Variants in GPR158 observed in about 807,000 individuals in gnomAD.
GPR158 encodes the protein G protein-coupled receptor 158, also known as metabotropic glycine receptor.
GPR158 carries 30 observed loss-of-function variants against 78.2 expected under a neutral mutation model. The observed-to-expected ratio is 0.38, with a 90% CI of 0.29 to 0.52. The LOEUF (loss-of-function observed/expected upper bound fraction) is 0.52, where lower values mean the gene tolerates loss of function less well. GPR158 is among the 20% of genes least tolerant of loss of function. The probability of loss-of-function intolerance (pLI) is 0.83; values close to 1 mark genes in which losing one functional copy is unlikely to be tolerated. For synonymous variants in GPR158, 581 were observed against 591.1 expected (o/e 0.98, Z 0.25); for missense variants, 1,463 against 1,523.5 (o/e 0.96, Z 0.66).
At chr10:25,329,028 T>C (rs17536221) in intron 2 of GPR158, among the ~76,000 whole-genome samples, 6,397 of 152,040 alleles carry the variant, frequency 0.042, 142 homozygotes, top group African/African-American at 0.05. Flanking sequence ...TTACTTTCCA[T>C]TTACTATTCC....
At chr10:25,407,123 A>G (rs1366766305) in intron 3 of GPR158, among the ~76,000 whole-genome samples, 1 of 152,160 alleles carries the variant, frequency 6.6e-6, no homozygotes, top group Non-Finnish European at 1.5e-5. Context: ...CCCAAATCAG[A>G]TATCTATGTC....
At chr10:25,230,944 C>T (rs189628535) in intron 2 of GPR158, among the ~76,000 whole-genome samples, 1 of 152,254 alleles carries the variant, frequency 6.6e-6, no homozygotes, top group East Asian at 1.9e-4. Context: ...TATGTTTGGA[C>T]TAGATACCTC....
chr10:25,416,153 A>G (rs781206615), intron 4 of GPR158, among the ~76,000 whole-genome samples: 2 of 152,114 alleles, frequency 1.3e-5, no homozygotes, highest in Non-Finnish European at 2.9e-5. Context: ...CTTTTGTAAC[A>G]TAATTTTGGA....
At chr10:25,260,656 C>T (rs992445257) in intron 2 of GPR158, among the ~76,000 whole-genome samples, 10 of 151,920 alleles carry the variant, frequency 6.6e-5, no homozygotes, top group Non-Finnish European at 1.0e-4. Flanking sequence ...CCTTTGAAAG[C>T]GCTGGGTTTA....
At chr10:25,203,304 T>A (rs996524956) in intron 1 of GPR158, among the ~76,000 whole-genome samples, 3 of 152,164 alleles carry the variant, frequency 2.0e-5, no homozygotes, top group Non-Finnish European at 4.4e-5. Context: ...TTGCTTTTGG[T>A]GTTTTAGTCG....
intron 4 of GPR158, among the ~76,000 whole-genome samples, chr10:25,425,458 G>A (rs901373401): frequency 1.1e-4 from 17 of 151,348 alleles, no homozygotes; most frequent in African/African-American, 1.9e-4. Context: ...TATGTTCATC[G>A]GCCATTTGTA....
chr10:25,469,680 A>G (rs1835469140), intron 5 of GPR158, among the ~76,000 whole-genome samples: 1 of 139,640 alleles, frequency 7.2e-6, no homozygotes. Flanking sequence ...GCTACTTGGG[A>G]GGCTGAGGTA....
At chr10:25,401,454 C>T (rs910813091) in intron 3 of GPR158, among the ~76,000 whole-genome samples, 7 of 151,940 alleles carry the variant, frequency 4.6e-5, no homozygotes, top group African/African-American at 7.3e-5. Flanking sequence ...ATGAAAAATG[C>T]GAATTGAACA....
rs372984523 is a variant in GPR158 at position 25,380,479 on chromosome 10, TTTC to T, written c.1009-15429_1009-15427del. On this transcript the variant is annotated intron_variant, in intron 2 of 10. Coordinates refer to ENST00000376351, the MANE Select transcript of GPR158 (RefSeq NM_020752.3). The stretch of plus-strand genomic sequence containing the variant: ...ATGTATATAATGCAGTTCATTCATT[TTTC>T]TTTTTTTAGTATTACAATTAGTAAT... 7.9e-5 allele frequency among the ~76,000 whole-genome samples: 12 copies of T among 152,340 alleles called. No homozygotes were observed. In the South Asian group the frequency reaches 2.3e-3, roughly 29 times the overall value.
chr10:25,250,156 A>T, intron 2 of GPR158, among the ~76,000 whole-genome samples: 1 of 123,868 alleles, frequency 8.1e-6, no homozygotes, highest in Non-Finnish European at 1.6e-5. Flanking sequence ...ATCGGTGGTG[A>T]TATCCCCTTT....
intron 7 of GPR158, among the ~76,000 whole-genome samples, chr10:25,576,472 TTTTCC>T (rs1316239160): frequency 6.6e-6 from 1 of 152,050 alleles, no homozygotes; most frequent in African/African-American, 2.4e-5. Context: ...GGCAGCACAT[TTTTCC>T]ACTTGCAGTA....
chr10:25,455,133 A>G (rs774477235), intron 4 of GPR158, among the ~76,000 whole-genome samples: 36 of 152,218 alleles, frequency 2.4e-4, no homozygotes, highest in Non-Finnish European at 4.0e-4. Context: ...TAAATAGAAA[A>G]GCAGGTTGGA....
At chr10:25,556,388 C>G (rs1836787037) in intron 6 of GPR158, among the ~76,000 whole-genome samples, 1 of 152,098 alleles carries the variant, frequency 6.6e-6, no homozygotes, top group Non-Finnish European at 1.5e-5. Context: ...AATAATACAC[C>G]AATAAAGCAT....
At chr10:25,503,459 C>T (rs1835968452) in intron 5 of GPR158, among the ~76,000 whole-genome samples, 1 of 152,134 alleles carries the variant, frequency 6.6e-6, no homozygotes, top group African/African-American at 2.4e-5. Context: ...TGCCTTGTAA[C>T]AGATTCTGCA....
At chr10:25,179,088 T>C (rs893796376) in intron 1 of GPR158, among the ~76,000 whole-genome samples, 5 of 152,222 alleles carry the variant, frequency 3.3e-5, no homozygotes, top group African/African-American at 4.8e-5. Context: ...ATTTCATATA[T>C]TGAGATAATA....
chr10:25,522,387 G>A (rs1564478911), intron 5 of GPR158, among the ~76,000 whole-genome samples: 1 of 152,132 alleles, frequency 6.6e-6, no homozygotes, highest in South Asian at 2.1e-4. Flanking sequence ...GGAAATTGTA[G>A]GCTTACTTTT....
intron 2 of GPR158, among the ~76,000 whole-genome samples, chr10:25,335,006 A>T (rs1318154188): frequency 2.6e-5 from 4 of 152,154 alleles, no homozygotes; most frequent in Non-Finnish European, 4.4e-5. Flanking sequence ...TTGATTTTTT[A>T]AAAAAATATT....
chr10:25,444,908 G>GA (rs1835120778), intron 4 of GPR158, among the ~76,000 whole-genome samples: 1 of 152,146 alleles, frequency 6.6e-6, no homozygotes, highest in African/African-American at 2.4e-5. Flanking sequence ...ACTTCTTAAG[G>GA]AGGGGACTCA....
chr10:25,226,401 C>T (rs1853373582), intron 2 of GPR158, among the ~76,000 whole-genome samples: 1 of 152,178 alleles, frequency 6.6e-6, no homozygotes, highest in Non-Finnish European at 1.5e-5. Context: ...TCCTTGTACA[C>T]TTGTCAGTAA....
Sources: allele counts gnomAD v4.1 joint callset (sites outside exome capture counted in the v4.1 genomes callset), GRCh38; gene constraint gnomAD v4.1.1; transcripts MANE v1.5; gene names NCBI Gene and HGNC (gene_info 2026-07-23, HGNC 2026-07-21).